The following SLAIN2 variants were observed in gnomAD, a reference collection of about 807,000 sequenced individuals.
SLAIN2 encodes SLAIN family member 2.
A neutral mutation model predicts 56.6 loss-of-function variants in SLAIN2; 31 were observed. The observed-to-expected ratio is 0.55, with a 90% confidence interval of 0.41 to 0.74. SLAIN2 has a LOEUF of 0.74. Ranked by LOEUF, SLAIN2 falls within the 30% of genes least tolerant of loss-of-function variation. SLAIN2 has a pLI of 0.00. For missense variants in SLAIN2, 777 were observed against 754.2 expected (o/e 1.03, Z -0.35); for synonymous variants, 317 against 284.9 (o/e 1.11, Z -1.13).
chr4:48,414,595 A>G (rs1716950858), intron 6 of SLAIN2, among the ~76,000 whole-genome samples: 1 of 138,594 alleles, frequency 7.2e-6, no homozygotes, highest in Admixed American at 7.5e-5. Context: ...TTTAGGGTAC[A>G]TGTGCACATT....
At chr4:48,356,485 A>T (rs371799235) in intron 1 of SLAIN2, among the ~76,000 whole-genome samples, 4 of 152,228 alleles carry the variant, frequency 2.6e-5, no homozygotes, top group African/African-American at 9.6e-5. Flanking sequence ...GATCTGTACT[A>T]GTAGCTGAAA....
In SLAIN2 at chr4:48,382,731, T is replaced by A; in HGVS notation, c.1026T>A (p.Phe342Leu). The change falls in exon 5 of 8, where the codon TTT (phenylalanine) becomes TTA (leucine). Residue 342 changes from phenylalanine (F) to leucine (L), a missense_variant. Transcript: ENST00000264313. ...HHAVYPAVNR[F>L]SPSPRNSPRP... Reference sequence around the variant, plus strand: ...CAGTATACCCTGCTGTTAACAGGTTTTCACCATCACCACGCAATTCACCTC... The same window carrying A: ...CAGTATACCCTGCTGTTAACAGGTTATCACCATCACCACGCAATTCACCTC... The A allele has an allele frequency of 1.2e-6, 2 of 1,613,718 alleles. No individual in the cohort carries two copies. Among genetic ancestry groups the A allele is most frequent in the Non-Finnish European group, 1.7e-6 (2 of 1,179,846 alleles).
chr4:48,345,630 T>A (rs556391171), intron 1 of SLAIN2, among the ~76,000 whole-genome samples: 246 of 152,300 alleles, frequency 1.6e-3, no homozygotes, highest in Non-Finnish European at 2.9e-3. Context: ...TAACCTAGTT[T>A]TTGTGTAACG....
rs1485282555 is a variant in SLAIN2 at position 48,364,208 on chromosome 4, C to T, written c.390-5641C>T. 1.1e-4 allele frequency among the ~76,000 whole-genome samples: 8 copies of T among 71,096 alleles called. 1 individual carries two copies. Among genetic ancestry groups the T allele is most frequent in the African/African-American group, 3.6e-4 (7 of 19,698 alleles). The allele number at this position is 71,096 out of a possible 152,430, so 46.6% of individuals were successfully genotyped here. On this transcript the variant is annotated intron_variant, in intron 1 of 7. Coordinates refer to ENST00000264313, the MANE Select transcript of SLAIN2 (RefSeq NM_020846.2). ...CTCACCTCCCAGACGGGGTCTCGGC[C>T]GGGCAGAGGCGCTCCTCACATCCCA...
intron 1 of SLAIN2, among the ~76,000 whole-genome samples, chr4:48,357,964 A>G (rs1397454670): frequency 6.6e-6 from 1 of 151,952 alleles, no homozygotes; most frequent in African/African-American, 2.4e-5. Context: ...CTTCCACAGT[A>G]TTGGAATTAC....
intron 1 of SLAIN2, among the ~76,000 whole-genome samples, chr4:48,361,452 T>A (rs1261330967): frequency 6.6e-6 from 1 of 152,170 alleles, no homozygotes; most frequent in Non-Finnish European, 1.5e-5. Flanking sequence ...TCTAGAGCTG[T>A]GGGGATCATT....
intron 6 of SLAIN2, among the ~76,000 whole-genome samples, chr4:48,395,208 A>G (rs1464146158): frequency 6.6e-6 from 1 of 152,176 alleles, no homozygotes; most frequent in African/African-American, 2.4e-5. Flanking sequence ...CACTGAATGT[A>G]TGGGCAGCTA....
intron 1 of SLAIN2, among the ~76,000 whole-genome samples, chr4:48,368,155 T>C (rs1187784655): frequency 6.7e-6 from 1 of 148,850 alleles, no homozygotes; most frequent in African/African-American, 2.5e-5. Context: ...TTCAAGCAGT[T>C]CTTGTGCCTC....
chr4:48,353,468 T>TA (rs1001056705), intron 1 of SLAIN2, among the ~76,000 whole-genome samples: 14 of 151,890 alleles, frequency 9.2e-5, no homozygotes, highest in African/African-American at 1.2e-4. Context: ...TAGGTTAGAT[T>TA]AAAAAAAAGG....
chr4:48,341,637 C>T lies in SLAIN2; in HGVS notation c.-103C>T. The T allele has an allele frequency of 9.7e-6, 14 of 1,443,690 alleles. No individual in the cohort carries two copies. The highest frequency in any genetic ancestry group is 1.3e-5 in the Non-Finnish European group (14 of 1,098,188). 89.4% of individuals were successfully genotyped at this position (1,443,690 alleles called of 1,614,324 possible). A position where few individuals can be genotyped will look rare whatever the true frequency, so the allele number is the denominator to read the frequency against. ...GGCCTGGTCCTGCTATATGCCGGCG[C>T]CTCGGCTAGAGTGAGCGGCGGCGAC... On this transcript the variant is annotated 5_prime_UTR_variant, in exon 1 of 8. Transcript: ENST00000264313.
At chr4:48,372,187 T>C (rs80098576) in intron 2 of SLAIN2, among the ~76,000 whole-genome samples, 4,266 of 152,166 alleles carry the variant, frequency 0.028, 66 homozygotes, top group Admixed American at 0.045. Flanking sequence ...TCTGCTATAA[T>C]AGGCATTGTT....
chr4:48,343,621 A>G (rs1714785380), intron 1 of SLAIN2, among the ~76,000 whole-genome samples: 1 of 152,184 alleles, frequency 6.6e-6, no homozygotes, highest in Admixed American at 6.5e-5. Flanking sequence ...AGTAGTCCAA[A>G]GTAGTTGGGC....
At chr4:48,384,830 A>C (rs1716061121) in intron 6 of SLAIN2, among the ~76,000 whole-genome samples, 1 of 152,196 alleles carries the variant, frequency 6.6e-6, no homozygotes, top group Admixed American at 6.5e-5. Context: ...CTGCAGTATT[A>C]CACAATAAAA....
intron 1 of SLAIN2, among the ~76,000 whole-genome samples, chr4:48,369,043 C>T (rs145771599): frequency 9.0e-4 from 137 of 152,214 alleles, no homozygotes; most frequent in African/African-American, 3.2e-3. Context: ...TATACAGTAT[C>T]GAAGCCTAAT....
At position 48,424,610 on chromosome 4, in the gene SLAIN2, A is replaced by G. The variant is rs1717250974; in HGVS notation, c.*2533A>G. 1 of 152,120 alleles carries G rather than the reference A, an allele frequency of 6.6e-6. No homozygotes were observed. The highest frequency in any genetic ancestry group is 2.4e-5 in the African/African-American group (1 of 41,452). The allele number at this position is 152,120 out of a possible 1,614,324, so 9.4% of individuals were successfully genotyped here. A position where few individuals can be genotyped will look rare whatever the true frequency, so the allele number is the denominator to read the frequency against. The stretch of plus-strand genomic sequence containing the variant: ...TATTCTTAACTCAAGCATTTGCTGG[A>G]TCATTTTTCTACAAAACTTGTTTGT... On this transcript the variant is annotated 3_prime_UTR_variant, in exon 8 of 8. Coordinates refer to ENST00000264313, the MANE Select transcript of SLAIN2 (RefSeq NM_020846.2).
intron 1 of SLAIN2, among the ~76,000 whole-genome samples, chr4:48,365,853 G>A (rs1296399241): frequency 3.9e-5 from 6 of 152,214 alleles, no homozygotes; most frequent in South Asian, 2.1e-4. Flanking sequence ...GTGAGCCACC[G>A]CACCCAGCCT....
intron 6 of SLAIN2, among the ~76,000 whole-genome samples, chr4:48,406,475 A>G (rs987938847): frequency 2.0e-5 from 3 of 151,874 alleles, no homozygotes; most frequent in African/African-American, 7.2e-5. Context: ...GTAACATACA[A>G]TATGTTTACT....
chr4:48,362,732 C>CTTTTTTTTTTTTTTTTTTCTT (rs397716685), intron 1 of SLAIN2, among the ~76,000 whole-genome samples: 1 of 116,410 alleles, frequency 8.6e-6, no homozygotes, highest in Non-Finnish European at 1.7e-5. Flanking sequence ...TTTTAAATTT[C>CTTTTTTTTTTTTTTTTTTCTT]TTTTTTTTTT....
chr4:48,371,114 T>G lies in SLAIN2; in HGVS notation c.538+1117T>G, dbSNP rs183908027. 3.1e-4 allele frequency among the ~76,000 whole-genome samples: 47 copies of G among 151,772 alleles called. No individual in the cohort carries two copies. The East Asian group carries it at 4.2e-3, about 14-fold the overall frequency. On this transcript the variant is annotated intron_variant, in intron 2 of 7. Transcript: ENST00000264313. Reference sequence around the variant, plus strand: ...TGTTTTTTGTTTTTTGTTTTGTTTTTTTTTTTTTTGATATGGAGTCTCACT... The same window carrying G: ...TGTTTTTTGTTTTTTGTTTTGTTTTGTTTTTTTTTGATATGGAGTCTCACT...
Sources: gnomAD v4.1 joint callset for allele counts (sites outside exome capture counted in the v4.1 genomes callset) on GRCh38, gnomAD v4.1.1 for gene constraint, MANE v1.5 for transcripts, NCBI Gene and HGNC (gene_info 2026-07-23, HGNC 2026-07-21) for gene names.